PPM1L: variants seen among roughly 807,000 people sequenced by gnomAD.
PPM1L encodes protein phosphatase, Mg2+/Mn2+ dependent 1L, also known as protein phosphatase 1L.
Under a neutral mutation model 31.4 loss-of-function variants are expected in PPM1L, and 13 were observed. The ratio of observed to expected loss-of-function variants is 0.41; its 90% confidence interval spans 0.27 to 0.66. The LOEUF (loss-of-function observed/expected upper bound fraction) is 0.66. PPM1L is among the 30% of genes least tolerant of loss of function. The probability of loss-of-function intolerance (pLI) is 0.29; values close to 1 mark genes in which losing one functional copy is unlikely to be tolerated. For missense variants in PPM1L, 326 were observed against 453.7 expected (o/e 0.72, Z 2.56); for synonymous variants, 184 against 175.4 (o/e 1.05, Z -0.39).
At position 161,058,118 on chromosome 3, in the gene PPM1L, C is replaced by CTTTTTTTTTTTTTTTTTTTT. The variant is rs1186931971; in HGVS notation, c.575-7280_575-7261dup. 5.1e-4 allele frequency among the ~76,000 whole-genome samples: 28 copies of CTTTTTTTTTTTTTTTTTTTT among 54,926 alleles called. 7 individuals carry two copies. Among genetic ancestry groups the CTTTTTTTTTTTTTTTTTTTT allele is most frequent in the Non-Finnish European group, 9.2e-4 (26 of 28,192 alleles). The allele number at this position is 54,926 out of a possible 152,430, so 36.0% of individuals were successfully genotyped here. A position where few individuals can be genotyped will look rare whatever the true frequency, so the allele number is the denominator to read the frequency against. The stretch of plus-strand genomic sequence containing the variant: ...TTAGTAGGGTCCATCATTTTCTTTC[C>CTTTTTTTTTTTTTTTTTTTT]TTTTTTTTTTTTTTTTTTTTTTTTG... On this transcript the variant is annotated intron_variant, in intron 2 of 3. Transcript: ENST00000498165.
At chr3:160,911,863 T>C (rs1039499701) in intron 1 of PPM1L, among the ~76,000 whole-genome samples, 14 of 152,168 alleles carry the variant, frequency 9.2e-5, no homozygotes, top group African/African-American at 3.1e-4. Context: ...CCATTTGGCA[T>C]TGGTTCCATA....
At position 160,799,575 on chromosome 3, in the gene PPM1L, G is replaced by A. The variant is rs540174217; in HGVS notation, c.399+42868G>A. Among the ~76,000 whole-genome samples, 9 of 152,298 alleles carry A rather than the reference G, an allele frequency of 5.9e-5. No homozygotes were observed. The South Asian group carries it at 1.9e-3, about 32-fold the overall frequency. ...TTATTTGCACTGGGAAACCAAGTTT[G>A]TGTGACTCTCTTTATTGTGATACTG... On this transcript the variant is annotated intron_variant, in intron 1 of 3. Transcript: ENST00000498165.
chr3:160,959,952 A>G (rs1715899261), intron 1 of PPM1L, among the ~76,000 whole-genome samples: 1 of 152,140 alleles, frequency 6.6e-6, no homozygotes, highest in Admixed American at 6.5e-5. Context: ...TTGCTTAATT[A>G]TGCTCATATA....
intron 1 of PPM1L, among the ~76,000 whole-genome samples, chr3:160,866,517 A>G (rs189038863): frequency 3.7e-4 from 57 of 152,344 alleles, no homozygotes; most frequent in African/African-American, 1.3e-3. Flanking sequence ...TTAGATAATA[A>G]TGTGCTCATG....
intron 2 of PPM1L, among the ~76,000 whole-genome samples, chr3:161,058,724 G>A (rs1719492866): frequency 6.6e-6 from 1 of 152,026 alleles, no homozygotes; most frequent in Non-Finnish European, 1.5e-5. Flanking sequence ...AAAATCAATT[G>A]CAAGTATGTT....
chr3:160,881,802 A>G (rs1712729953), intron 1 of PPM1L, among the ~76,000 whole-genome samples: 1 of 152,228 alleles, frequency 6.6e-6, no homozygotes, highest in African/African-American at 2.4e-5. Context: ...CTGTAATCCC[A>G]GCACTTTGGG....
intron 1 of PPM1L, among the ~76,000 whole-genome samples, chr3:160,824,114 C>T (rs759907478): frequency 2.0e-5 from 3 of 152,054 alleles, no homozygotes; most frequent in South Asian, 2.1e-4. Context: ...TATTTGGAGG[C>T]GGGACCCTTG....
At chr3:160,886,715 C>T (rs1712929741) in intron 1 of PPM1L, among the ~76,000 whole-genome samples, 2 of 152,040 alleles carry the variant, frequency 1.3e-5, no homozygotes, top group African/African-American at 4.8e-5. Flanking sequence ...GGGTCAGTAG[C>T]TTCAAAGATG....
intron 2 of PPM1L, among the ~76,000 whole-genome samples, chr3:160,964,207 T>A (rs1716061427): frequency 6.6e-6 from 1 of 151,962 alleles, no homozygotes; most frequent in Non-Finnish European, 1.5e-5. Flanking sequence ...CAACTCTCTG[T>A]GCAGTCTAAA....
intron 2 of PPM1L, among the ~76,000 whole-genome samples, chr3:161,011,257 C>G (rs546231294): frequency 1.3e-5 from 2 of 152,172 alleles, no homozygotes; most frequent in Non-Finnish European, 2.9e-5. Context: ...TTCCCAGCAC[C>G]GTTTATTAAA....
intron 1 of PPM1L, among the ~76,000 whole-genome samples, chr3:160,794,516 T>G (rs1712189918): frequency 1.3e-5 from 2 of 152,234 alleles, no homozygotes; most frequent in South Asian, 4.1e-4. Flanking sequence ...GATTTGCATA[T>G]TTTTATTATT....
intron 2 of PPM1L, among the ~76,000 whole-genome samples, chr3:161,042,792 G>A (rs1718948310): frequency 6.6e-6 from 1 of 152,070 alleles, no homozygotes; most frequent in East Asian, 1.9e-4. Flanking sequence ...AGGCTGAGGC[G>A]GGTGAATCAC....
At chr3:160,990,417 GGGGAAAACAAA>G (rs1182268086) in intron 2 of PPM1L, among the ~76,000 whole-genome samples, 1 of 152,106 alleles carries the variant, frequency 6.6e-6, no homozygotes. Context: ...CTAACATAAA[GGGGAAAACAAA>G]GGGAAAATAA....
At chr3:160,836,429 T>A (rs1713718510) in intron 1 of PPM1L, among the ~76,000 whole-genome samples, 1 of 152,160 alleles carries the variant, frequency 6.6e-6, no homozygotes, top group South Asian at 2.1e-4. Context: ...ATCTTGTGGC[T>A]CTCTAGCAAG....
chr3:160,786,207 A>ATATATT (rs1560106768), intron 1 of PPM1L, among the ~76,000 whole-genome samples: 1 of 30,882 alleles, frequency 3.2e-5, no homozygotes, highest in Non-Finnish European at 4.7e-5. Flanking sequence ...ATATATATAT[A>ATATATT]TTTTTTTTTT....
At position 160,756,466 on chromosome 3, in the gene PPM1L, G is replaced by A. The variant is rs369385243; in HGVS notation, c.158G>A (p.Arg53Gln). The A allele has an allele frequency of 1.7e-5, 27 of 1,614,056 alleles. 2 individuals are homozygous for A. Among genetic ancestry groups the A allele is most frequent in the East Asian group, 6.7e-5 (3 of 44,890 alleles). ...GTGAAGACCATCGTGAAGTCCAGCC[G>A]GGACGCCGTGAAGATGGTGAAGGGC... ...DEVKTIVKSSRDAVKMVKGKV... is the reference protein window; with the variant it reads ...DEVKTIVKSSQDAVKMVKGKV... The change falls in exon 1 of 4, where the codon CGG (arginine) becomes CAG (glutamine). Residue 53 changes from arginine to glutamine, a missense_variant. Arg to Gln is a conservative substitution (Grantham distance 43). Coordinates refer to ENST00000498165, the MANE Select transcript of PPM1L (RefSeq NM_139245.4). The surrounding 1 kb of genome is among the most constrained non-coding windows in gnomAD (Gnocchi z 6.2).
chr3:160,780,222 A>T (rs1711696877), intron 1 of PPM1L, among the ~76,000 whole-genome samples: 2 of 152,174 alleles, frequency 1.3e-5, no homozygotes, highest in South Asian at 2.1e-4. Context: ...GGGACAAAGG[A>T]TATAAAGAGC....
At chr3:161,022,846 AGTAGAGATGGGGTTTCACT>A (rs1291084341) in intron 2 of PPM1L, among the ~76,000 whole-genome samples, 2 of 151,626 alleles carry the variant, frequency 1.3e-5, no homozygotes, top group African/African-American at 4.8e-5. Flanking sequence ...TTGTATTTTT[AGTAGAGATGGGGTTTCACT>A]GTGTTAGCCA....
Position 161,039,209 on chromosome 3 carries a change from C to G in PPM1L, c.575-26194C>G, listed in dbSNP as rs1718837591. On this transcript the variant is annotated intron_variant, in intron 2 of 3. Coordinates refer to ENST00000498165, the MANE Select transcript of PPM1L (RefSeq NM_139245.4). ...TACTTTCTTAATAAACTGGCTTTCA[C>G]TTTGCACTGTGGACTCGCCCTGAAT... is the stretch of plus-strand genomic sequence containing the variant. Among the ~76,000 whole-genome samples the G allele has an allele frequency of 1.3e-5, 2 of 152,210 alleles. 1 individual carries two copies. Among genetic ancestry groups the G allele is most frequent in the Non-Finnish European group, 2.9e-5 (2 of 68,038 alleles).
Sources: allele counts gnomAD v4.1 joint callset (sites outside exome capture counted in the v4.1 genomes callset), GRCh38; gene constraint gnomAD v4.1.1; non-coding constraint Gnocchi (gnomAD v3.1); transcripts MANE v1.5; gene names NCBI Gene and HGNC (gene_info 2026-07-23, HGNC 2026-07-21).